Variants in F13A1 observed in about 807,000 individuals in gnomAD.
F13A1 encodes coagulation factor XIII A chain.
F13A1 carries 47 observed loss-of-function variants against 80.1 expected under a neutral mutation model. That is an observed-to-expected ratio of 0.59 (90% CI 0.46 to 0.75). The LOEUF is 0.75. Among genes scored for constraint, F13A1 ranks in the 30% least tolerant of loss-of-function variants. F13A1 has a pLI of 0.00. For missense variants in F13A1, 817 were observed against 930.4 expected (o/e 0.88, Z 1.59); for synonymous variants, 349 against 344.9 (o/e 1.01, Z -0.13).
chr6:6,177,846 C>G (rs1019143398), intron 11 of F13A1, among the ~76,000 whole-genome samples: 1 of 152,098 alleles, frequency 6.6e-6, no homozygotes, highest in Non-Finnish European at 1.5e-5. Context: ...GGAGGCCTCT[C>G]GGAGTTTTTG....
intron 4 of F13A1, among the ~76,000 whole-genome samples, chr6:6,264,670 C>A (rs1757820092): frequency 6.6e-6 from 1 of 152,156 alleles, no homozygotes; most frequent in African/African-American, 2.4e-5. Flanking sequence ...TGGTTATCTC[C>A]AACTTAACAT....
chr6:6,291,969 C>A (rs376580059), intron 3 of F13A1, among the ~76,000 whole-genome samples: 54 of 152,296 alleles, frequency 3.5e-4, no homozygotes, highest in African/African-American at 1.3e-3. Flanking sequence ...ATTCATACCT[C>A]CACCATCTCC....
At chr6:6,224,920 G>T in intron 6 of F13A1, 60 bp from the exon 7 acceptor site, 23 of 1,573,326 alleles carry the variant, frequency 1.5e-5, no homozygotes, top group Non-Finnish European at 1.8e-5. Flanking sequence ...TCTACTCCAG[G>T]CTATGCATGG....
At position 6,243,086 on chromosome 6, in the gene F13A1, CTGAG is replaced by C. The variant is rs1757504327; in HGVS notation, c.798+5222_798+5225del. Among the ~76,000 whole-genome samples the C allele has an allele frequency of 6.6e-6, 1 of 152,094 alleles. No homozygotes were observed. Among genetic ancestry groups the C allele is most frequent in the Admixed American group, 6.6e-5 (1 of 15,262 alleles). On this transcript the variant is annotated intron_variant, in intron 6 of 14. Transcript: ENST00000264870. This position sits in a 1 kb window ranked among gnomAD's most constrained non-coding sequence, Gnocchi z 4.2. ...CATTTGTCAAACAAATGAGTAAATACTGAGTGTTTTACCACCATCACCACCACCA... is the reference window on the plus strand; with the variant it reads ...CATTTGTCAAACAAATGAGTAAATACTGTTTTACCACCATCACCACCACCA...
intron 3 of F13A1, among the ~76,000 whole-genome samples, chr6:6,274,208 G>A (rs561158150): frequency 1.3e-5 from 2 of 152,344 alleles, no homozygotes; most frequent in African/African-American, 4.8e-5. Context: ...TGTTTGGAAC[G>A]TAGTAGGTGC....
At chr6:6,205,706 G>T (rs552430387) in intron 8 of F13A1, among the ~76,000 whole-genome samples, 1 of 151,654 alleles carries the variant, frequency 6.6e-6, no homozygotes, top group Non-Finnish European at 1.5e-5. Context: ...GTGTGATTAC[G>T]TGTTTTATTA....
intron 10 of F13A1, among the ~76,000 whole-genome samples, chr6:6,195,094 C>T (rs1281973594): frequency 2.6e-5 from 4 of 152,242 alleles, no homozygotes; most frequent in Admixed American, 2.6e-4. Flanking sequence ...CCAGCCTTCT[C>T]GTTTACCCAA....
chr6:6,148,220 G>A (rs1350148891), intron 14 of F13A1, among the ~76,000 whole-genome samples: 5 of 152,234 alleles, frequency 3.3e-5, no homozygotes, highest in African/African-American at 9.6e-5. Flanking sequence ...AGTCTGTGGA[G>A]GTGGAACCTC....
At chr6:6,289,492 A>G (rs567412480) in intron 3 of F13A1, among the ~76,000 whole-genome samples, 4 of 151,438 alleles carry the variant, frequency 2.6e-5, no homozygotes, top group East Asian at 1.9e-4. Flanking sequence ...AGAAGTAAAC[A>G]TAAGTTCCTT....
chr6:6,235,266 A>T (rs919722234), intron 6 of F13A1, among the ~76,000 whole-genome samples: 3 of 152,036 alleles, frequency 2.0e-5, no homozygotes, highest in Non-Finnish European at 1.5e-5. Context: ...ATGATCCATA[A>T]AAAAATTTGT....
intron 4 of F13A1, among the ~76,000 whole-genome samples, chr6:6,254,226 C>G (rs1489392446): frequency 1.3e-5 from 2 of 151,594 alleles, no homozygotes; most frequent in Non-Finnish European, 1.5e-5. Context: ...AATACTGCAG[C>G]CTTTTAGAAG....
chr6:6,214,286 C>T (rs1308779818), intron 8 of F13A1, among the ~76,000 whole-genome samples: 82 of 151,878 alleles, frequency 5.4e-4, no homozygotes, highest in African/African-American at 1.9e-3. Flanking sequence ...GAAGAAAAGC[C>T]CTCCTCAGCA....
At position 6,231,597 on chromosome 6, in the gene F13A1, G is replaced by A. The variant is rs146204467; in HGVS notation, c.799-6737C>T. ...AACAACACCCAGGAAATTCATTGCA[G>A]AAAGATCTTTGCCTAGGCACATTGT... On this transcript the variant is annotated intron_variant, in intron 6 of 14. Transcript: ENST00000264870. Among the ~76,000 whole-genome samples, 30 of 152,314 alleles carry A rather than the reference G, an allele frequency of 2.0e-4. 1 individual carries two copies. In the East Asian group the frequency reaches 5.8e-3, roughly 29 times the overall value.
intron 2 of F13A1, among the ~76,000 whole-genome samples, chr6:6,315,519 C>T (rs1758667068): frequency 6.6e-6 from 1 of 151,908 alleles, no homozygotes; most frequent in Non-Finnish European, 1.5e-5. Flanking sequence ...ACAGATTTTA[C>T]CAAAATAATT....
At chr6:6,212,940 T>A (rs1761646073) in intron 8 of F13A1, among the ~76,000 whole-genome samples, 1 of 151,766 alleles carries the variant, frequency 6.6e-6, no homozygotes, top group Non-Finnish European at 1.5e-5. Context: ...CGATGGAAGA[T>A]GAAATGAATG....
chr6:6,176,972 G>A (rs1760892394), intron 11 of F13A1, among the ~76,000 whole-genome samples: 1 of 152,172 alleles, frequency 6.6e-6, no homozygotes, highest in Non-Finnish European at 1.5e-5. Flanking sequence ...CCAAACAGAA[G>A]CAGGCTGGGG....
rs115323279 is a variant in F13A1, at chr6:6,276,072, C to T, written c.320-9263G>A. On this transcript the variant is annotated intron_variant, in intron 3 of 14. Transcript: ENST00000264870. ...GGACTTGTGTTTCCTGTTGTCCATT[C>T]GGGAATAACAACCACTTATAGTTTG... Among the ~76,000 whole-genome samples the T allele has an allele frequency of 6.5e-3, 995 of 152,280 alleles. 11 individuals carry two copies. The highest frequency in any genetic ancestry group is 0.021 in the African/African-American group (876 of 41,552).
intron 5 of F13A1, among the ~76,000 whole-genome samples, chr6:6,248,965 C>G (rs1032924469): frequency 2.0e-5 from 3 of 152,100 alleles, no homozygotes; most frequent in Non-Finnish European, 4.4e-5. Flanking sequence ...AAGGTGGACC[C>G]CAGGATCAAG....
At chr6:6,309,354 T>G (rs1758558664) in intron 2 of F13A1, among the ~76,000 whole-genome samples, 1 of 151,814 alleles carries the variant, frequency 6.6e-6, no homozygotes, top group Non-Finnish European at 1.5e-5. Flanking sequence ...TAACCCACAT[T>G]TAGGGGGTAG....
Sources: gnomAD v4.1 joint callset for allele counts (sites outside exome capture counted in the v4.1 genomes callset) on GRCh38, gnomAD v4.1.1 for gene constraint, Gnocchi (gnomAD v3.1) non-coding constraint, MANE v1.5 for transcripts, NCBI Gene and HGNC (gene_info 2026-07-23, HGNC 2026-07-21) for gene names.